Variants in ATG10 observed in about 807,000 individuals in gnomAD.
ATG10 encodes ubiquitin-like-conjugating enzyme ATG10.
Under a neutral mutation model 32.1 loss-of-function variants are expected in ATG10, and 30 were observed. The observed-to-expected ratio is 0.94, with a 90% CI of 0.70 to 1.27. ATG10 has a LOEUF of 1.27. ATG10 is among the 50% of genes most tolerant of loss of function. The pLI, the probability that ATG10 is intolerant of heterozygous loss-of-function variation, is 0.00. For missense variants in ATG10, 233 were observed against 262.3 expected (o/e 0.89, Z 0.77); for synonymous variants, 87 against 91.5 (o/e 0.95, Z 0.28).
intron 3 of ATG10, among the ~76,000 whole-genome samples, chr5:82,139,364 T>C (rs1264320485): frequency 6.7e-6 from 1 of 148,586 alleles, no homozygotes; most frequent in African/African-American, 2.5e-5. Flanking sequence ...GAGGAGCGTC[T>C]CCGCCCGGCC....
At chr5:82,187,187 T>C (rs1744479520) in intron 5 of ATG10, among the ~76,000 whole-genome samples, 1 of 151,648 alleles carries the variant, frequency 6.6e-6, no homozygotes, top group Non-Finnish European at 1.5e-5. Context: ...TTACCAGAAG[T>C]CTCCAGAAAT....
intron 3 of ATG10, among the ~76,000 whole-genome samples, chr5:82,158,675 A>G (rs1349543276): frequency 6.6e-6 from 1 of 152,104 alleles, no homozygotes; most frequent in Non-Finnish European, 1.5e-5. Flanking sequence ...TCCCCCGTGT[A>G]TACCTAGGGC....
intron 4 of ATG10, among the ~76,000 whole-genome samples, chr5:82,166,567 A>T (rs1357768278): frequency 2.6e-5 from 4 of 152,174 alleles, no homozygotes; most frequent in Non-Finnish European, 5.9e-5. Context: ...GGATATTTTT[A>T]AAATGTATCA....
intron 3 of ATG10, among the ~76,000 whole-genome samples, chr5:82,139,778 C>A (rs867346081): frequency 7.4e-6 from 1 of 135,282 alleles, no homozygotes; most frequent in African/African-American, 2.8e-5. Flanking sequence ...TCTGCCCGGC[C>A]GCCCCTACTG....
At chr5:82,014,805 T>C (rs544237188) in intron 2 of ATG10, among the ~76,000 whole-genome samples, 3 of 152,354 alleles carry the variant, frequency 2.0e-5, no homozygotes, top group African/African-American at 7.2e-5. Context: ...TGTCTTTTAA[T>C]TGGAGCATTT....
intron 2 of ATG10, among the ~76,000 whole-genome samples, chr5:82,053,179 A>T (rs981514918): frequency 6.6e-6 from 1 of 152,138 alleles, no homozygotes; most frequent in Non-Finnish European, 1.5e-5. Context: ...ATCTTTGCCA[A>T]TCTGATAGGT....
intron 4 of ATG10, among the ~76,000 whole-genome samples, chr5:82,164,833 C>G (rs982506396): frequency 1.4e-4 from 21 of 152,198 alleles, no homozygotes; most frequent in Middle Eastern, 3.4e-3. Context: ...GTAGGAACAA[C>G]TTAAAGCTAC....
chr5:82,168,069 GT>G (rs34095396), intron 4 of ATG10, among the ~76,000 whole-genome samples: 2,063 of 149,030 alleles, frequency 0.014, 31 homozygotes, highest in African/African-American at 0.047. Context: ...AGTGCATGCT[GT>G]TTTTTTTTTC....
At chr5:82,121,537 C>T (rs1476189423) in intron 3 of ATG10, among the ~76,000 whole-genome samples, 3 of 152,100 alleles carry the variant, frequency 2.0e-5, no homozygotes, top group Admixed American at 2.0e-4. Context: ...TTGTCTTGTG[C>T]TGGTTTTCAA....
intron 3 of ATG10, among the ~76,000 whole-genome samples, chr5:82,098,630 T>G (rs753542613): frequency 8.5e-5 from 13 of 152,178 alleles, no homozygotes; most frequent in Non-Finnish European, 1.5e-4. Flanking sequence ...TAACTACCAC[T>G]GCAAACAAAG....
intron 2 of ATG10, among the ~76,000 whole-genome samples, chr5:81,993,360 C>CTTTCTTTCCTTCTTTCT: frequency 0.022 from 1,040 of 46,764 alleles, 120 homozygotes; most frequent in South Asian, 0.026. Flanking sequence ...TCTTTCTTTC[C>CTTTCTTTCCTTCTTTCT]TTCTTTTCTT....
intron 3 of ATG10, among the ~76,000 whole-genome samples, chr5:82,098,452 A>G (rs1353775567): frequency 6.6e-6 from 1 of 151,564 alleles, no homozygotes; most frequent in Non-Finnish European, 1.5e-5. Flanking sequence ...CTGGGATTGC[A>G]GGCGCCCACC....
chr5:82,061,978 C>T (rs1252219771), intron 3 of ATG10, among the ~76,000 whole-genome samples: 1 of 151,480 alleles, frequency 6.6e-6, no homozygotes, highest in Non-Finnish European at 1.5e-5. Context: ...TGCAGGCATG[C>T]ACCACCATGC....
At chr5:81,998,865 C>T (rs1761746504) in intron 2 of ATG10, among the ~76,000 whole-genome samples, 1 of 152,164 alleles carries the variant, frequency 6.6e-6, no homozygotes, top group South Asian at 2.1e-4. Context: ...AGTACCCACA[C>T]AGGAGCACCC....
intron 3 of ATG10, among the ~76,000 whole-genome samples, chr5:82,129,445 C>A (rs141646206): frequency 6.6e-6 from 1 of 152,182 alleles, no homozygotes; most frequent in African/African-American, 2.4e-5. Context: ...GAATTTTCAG[C>A]CTTTTTGCAC....
chr5:82,032,375 C>A (rs1297800179), intron 2 of ATG10, among the ~76,000 whole-genome samples: 2 of 151,852 alleles, frequency 1.3e-5, no homozygotes, highest in African/African-American at 4.8e-5. Flanking sequence ...TGTTATATTG[C>A]CTGCTTCACA....
At chr5:82,216,522 A>G (rs1431108441) in intron 5 of ATG10, among the ~76,000 whole-genome samples, 2 of 152,238 alleles carry the variant, frequency 1.3e-5, no homozygotes, top group Admixed American at 6.5e-5. Context: ...TTAAAATACC[A>G]GAATCAAGTA....
At chr5:81,985,902 A>G (rs968842296) in intron 1 of ATG10, among the ~76,000 whole-genome samples, 4 of 152,120 alleles carry the variant, frequency 2.6e-5, no homozygotes, top group African/African-American at 7.2e-5. Flanking sequence ...AGCTGGGACT[A>G]CAGGCGCCCG....
At chr5:82,252,752 A>G (rs922460305) in intron 6 of ATG10, 93 bp downstream of exon 6, 3 of 696,406 alleles carry the variant, frequency 4.3e-6, no homozygotes, top group Non-Finnish European at 7.3e-6. Flanking sequence ...TAAAAAAGAA[A>G]TATTAATAAT....
Sources: gnomAD v4.1 joint callset for allele counts (sites outside exome capture counted in the v4.1 genomes callset) on GRCh38, gnomAD v4.1.1 for gene constraint, MANE v1.5 for transcripts, NCBI Gene and HGNC (gene_info 2026-07-23, HGNC 2026-07-21) for gene names.